The following PCDHB5 variants were observed in gnomAD, a reference collection of about 807,000 sequenced individuals.
PCDHB5 encodes the protein protocadherin beta 5.
For missense variants in PCDHB5, 1,125 were observed against 1,029.4 expected (o/e 1.09, Z -1.27); for synonymous variants, 569 against 462.2 (o/e 1.23, Z -2.96).
chr5:141,137,162 C>T lies in PCDHB5; in HGVS notation c.1728C>T (p.Pro576=). The T allele has an allele frequency of 6.2e-7, 1 of 1,610,714 alleles. No individual in the cohort carries two copies. The highest frequency in any genetic ancestry group is 8.5e-7 in the Non-Finnish European group (1 of 1,179,578). Residue 576 remains proline, a synonymous_variant, in exon 1 of 1, where the codon CCC becomes CCT. Transcript: ENST00000231134. ...CGGCGCCTTGCACCGAGCTGGTGCC[C>T]CGGGCGGCCGAGCCGGGCTACCTGG... is the stretch of plus-strand genomic sequence containing the variant. ...NGSAPCTELV[P]RAAEPGYLVT...
chr5:141,135,632 G>A lies in PCDHB5; in HGVS notation c.198G>A (p.Met66Ile). ...AACTGGCCACTCGGGGCGCGCGAAT[G>A]CATTACAAAGGAAACAAAGAGCTCT... ...VGELATRGAR[M>I]HYKGNKELLQ... Residue 66 changes from methionine to isoleucine, a missense_variant, in exon 1 of 1, where the codon ATG (methionine) becomes ATA (isoleucine). Transcript: ENST00000231134. 1 of 1,614,116 alleles carries A rather than the reference G, an allele frequency of 6.2e-7. No homozygotes were observed. The highest frequency in any genetic ancestry group is 8.5e-7 in the Non-Finnish European group (1 of 1,180,040).
chr5:141,136,078 T>A lies in PCDHB5; in HGVS notation c.644T>A (p.Leu215Gln). 2 of 1,614,186 alleles carry A rather than the reference T, an allele frequency of 1.2e-6. No individual in the cohort carries two copies. ...RPELSLTLTA[L>Q]DGGAPPRSGT... ...GAGCTCAGCTTAACACTCACTGCAC[T>A]GGACGGTGGGGCTCCGCCCAGGTCC... Residue 215 changes from leucine to glutamine, a missense_variant, in exon 1 of 1, where the codon CTG (leucine) becomes CAG (glutamine). By Grantham distance (113) the Leu-to-Gln change is moderately radical. Coordinates refer to ENST00000231134, the MANE Select transcript of PCDHB5 (RefSeq NM_015669.5).
At position 141,135,810 on chromosome 5, in the gene PCDHB5, A is replaced by G. The variant is rs1227480675; in HGVS notation, c.376A>G (p.Ile126Val). The G allele has an allele frequency of 6.2e-7, 1 of 1,614,056 alleles. No individual in the cohort carries two copies. ...FFQTDLQLTD[I>V]NDHAPEFPEK... ...TCAAACTGATCTGCAGCTCACAGAT[A>G]TAAATGACCATGCCCCAGAGTTCCC... The change falls in exon 1 of 1, where the codon ATA (isoleucine) becomes GTA (valine). Residue 126 changes from isoleucine (I) to valine (V), a missense_variant. Physicochemically the swap from Ile to Val is conservative, Grantham distance 29 (BLOSUM62 3). Transcript: ENST00000231134.
chr5:141,137,738 G>T lies in PCDHB5; in HGVS notation c.2304G>T (p.Pro768=), dbSNP rs782332449. 2.5e-6 allele frequency: 4 copies of T among 1,614,248 alleles called. No individual in the cohort carries two copies. Among genetic ancestry groups the T allele is most frequent in the Admixed American group, 3.3e-5 (2 of 60,030 alleles). ...SGAGEFKFLK[P]IIPNLLPQGA... is the part of the protein sequence containing the mutation. Reference sequence around the variant, plus strand: ...CCGGCGAGTTCAAGTTCCTGAAGCCGATTATTCCTAACCTTTTGCCCCAGG... The same window carrying T: ...CCGGCGAGTTCAAGTTCCTGAAGCCTATTATTCCTAACCTTTTGCCCCAGG... Residue 768 remains proline (P), a synonymous_variant, in exon 1 of 1, where the codon CCG becomes CCT. Coordinates refer to ENST00000231134, the MANE Select transcript of PCDHB5 (RefSeq NM_015669.5).
chr5:141,138,079 T>C lies in PCDHB5; in HGVS notation c.*257T>C, dbSNP rs1752639779. Reference sequence around the variant, plus strand: ...AGATTTTTTTCTCTTCTTGTTGGTATTTGTTGTGATAAACCACCTTAATAA... The same window carrying C: ...AGATTTTTTTCTCTTCTTGTTGGTACTTGTTGTGATAAACCACCTTAATAA... On this transcript the variant is annotated 3_prime_UTR_variant, in exon 1 of 1. Transcript: ENST00000231134. The C allele has an allele frequency of 2.3e-6, 1 of 426,542 alleles. No individual in the cohort carries two copies. Among genetic ancestry groups the C allele is most frequent in the South Asian group, 5.9e-5 (1 of 17,054 alleles). The allele number at this position is 426,542 out of a possible 1,614,324, so 26.4% of individuals were successfully genotyped here.
Position 141,137,022 on chromosome 5 carries a change from G to T in PCDHB5, c.1588G>T (p.Val530Leu), listed in dbSNP as rs373293993. Residue 530 changes from valine (V) to leucine (L), a missense_variant, in exon 1 of 1, where the codon GTG becomes TTG. Val to Leu is a conservative substitution (Grantham distance 32). Transcript: ENST00000231134. ...GGCCCTGCAGGCGTTCGAGTTCCGC[G>T]TGGGAGCCACAGACCGCGGCTCCCC... is the stretch of plus-strand genomic sequence containing the variant. ...YEALQAFEFR[V>L]GATDRGSPAL... The T allele has an allele frequency of 6.1e-5, 99 of 1,612,122 alleles. No homozygotes were observed. The African/African-American group carries it at 1.2e-3, about 20-fold the overall frequency.
rs199500587 is a variant in PCDHB5, at chr5:141,137,653, G to C, written c.2219G>C (p.Gly740Ala). 1.2e-5 allele frequency: 20 copies of C among 1,614,124 alleles called. No homozygotes were observed. The highest frequency in any genetic ancestry group is 3.4e-4 in the Middle Eastern group (2 of 5,966). Residue 740 changes from glycine to alanine, a missense_variant, in exon 1 of 1, where the codon GGC becomes GCC. Transcript: ENST00000231134. ...PFPGHLVDVS[G>A]TGTLSQSYHY... is the part of the protein sequence containing the mutation. ...CCAGGGCATCTGGTGGACGTGAGCG[G>C]CACCGGGACCCTATCCCAGAGCTAC... is the stretch of plus-strand genomic sequence containing the variant.
rs1162411739 is a variant in PCDHB5, at chr5:141,136,897, C to G, written c.1463C>G (p.Ser488Trp). ...DSGTNAQVTY[S>W]LLPPQNPHLR... ...GGCACCAACGCCCAGGTCACCTACT[C>G]GCTGCTGCCGCCCCAGAACCCACAC... Residue 488 changes from serine to tryptophan, a missense_variant, in exon 1 of 1, where the codon TCG becomes TGG. By Grantham distance (177) the Ser-to-Trp change is radical. Transcript: ENST00000231134. The G allele has an allele frequency of 3.1e-6, 5 of 1,612,690 alleles. No homozygotes were observed. The highest frequency in any genetic ancestry group is 2.2e-5 in the East Asian group (1 of 44,866).
Position 141,137,224 on chromosome 5 carries a change from A to T in PCDHB5, c.1790A>T (p.Gln597Leu), listed in dbSNP as rs782784619. The change falls in exon 1 of 1, where the codon CAG becomes CTG. Residue 597 changes from glutamine to leucine, a missense_variant. Physicochemically the swap from Gln to Leu is moderately radical, Grantham distance 113. Transcript: ENST00000231134. Reference protein sequence around the residue: ...KVVAVDGDSGQNAWLSYQLLK... With the variant: ...KVVAVDGDSGLNAWLSYQLLK... Reference sequence around the variant, plus strand: ...GTGGCGGTGGACGGTGACTCGGGCCAGAACGCCTGGCTGTCGTACCAGCTG... The same window carrying T: ...GTGGCGGTGGACGGTGACTCGGGCCTGAACGCCTGGCTGTCGTACCAGCTG... 3.8e-5 allele frequency: 62 copies of T among 1,610,976 alleles called. No individual in the cohort carries two copies. In the South Asian group the frequency reaches 6.5e-4, roughly 17 times the overall value.
rs781955574 is a variant in PCDHB5, at chr5:141,136,451, G to A, written c.1017G>A (p.Val339=). The A allele has an allele frequency of 1.7e-5, 27 of 1,613,734 alleles. No homozygotes were observed. The highest frequency in any genetic ancestry group is 2.1e-5 in the Non-Finnish European group (25 of 1,179,958). The part of the protein sequence containing the change: ...KCTVAIEVVD[V]NDNAPELTMS... ...CTGTGGCTATAGAAGTGGTGGATGT[G>A]AATGACAACGCCCCTGAACTCACCA... is the stretch of plus-strand genomic sequence containing the variant. Residue 339 remains valine (V), a synonymous_variant, in exon 1 of 1, where the codon GTG becomes GTA. Coordinates refer to ENST00000231134, the MANE Select transcript of PCDHB5 (RefSeq NM_015669.5).
chr5:141,136,044 G>A lies in PCDHB5; in HGVS notation c.610G>A (p.Glu204Lys). 1 of 1,614,220 alleles carries A rather than the reference G, an allele frequency of 6.2e-7. No homozygotes were observed. Among genetic ancestry groups the A allele is most frequent in the Non-Finnish European group, 8.5e-7 (1 of 1,180,010 alleles). Residue 204 changes from glutamate to lysine, a missense_variant, in exon 1 of 1, where the codon GAG becomes AAG. Glu to Lys is a moderately conservative substitution (Grantham distance 56, BLOSUM62 1). Transcript: ENST00000231134. ...LVLDKALDREERPELSLTLTA... is the reference protein window; with the variant it reads ...LVLDKALDREKRPELSLTLTA... Reference sequence around the variant, plus strand: ...GCTGGACAAAGCGCTGGACCGGGAGGAGCGGCCTGAGCTCAGCTTAACACT... The same window carrying A: ...GCTGGACAAAGCGCTGGACCGGGAGAAGCGGCCTGAGCTCAGCTTAACACT...
In PCDHB5 at chr5:141,136,421, A is replaced by G. The variant is rs1554275902; in HGVS notation, c.987A>G (p.Lys329=). 6 of 1,614,106 alleles carry G rather than the reference A, an allele frequency of 3.7e-6. No individual in the cohort carries two copies. Among genetic ancestry groups the G allele is most frequent in the Non-Finnish European group, 8.5e-7 (1 of 1,180,026 alleles). The change falls in exon 1 of 1, where the codon AAA becomes AAG. Residue 329 remains lysine (K), a synonymous_variant. Coordinates refer to ENST00000231134, the MANE Select transcript of PCDHB5 (RefSeq NM_015669.5). Reference sequence around the variant, plus strand: ...CAGATGGTGGGGGCCTTTCAGGAAAATGCACTGTGGCTATAGAAGTGGTGG... The same window carrying G: ...CAGATGGTGGGGGCCTTTCAGGAAAGTGCACTGTGGCTATAGAAGTGGTGG... The part of the protein sequence containing the change: ...VATDGGGLSG[K]CTVAIEVVDV...
chr5:141,136,927 G>C lies in PCDHB5; in HGVS notation c.1493G>C (p.Arg498Pro), dbSNP rs376267566. The C allele has an allele frequency of 1.4e-4, 233 of 1,612,426 alleles. 1 individual carries two copies. In the African/African-American group the frequency reaches 2.5e-3, roughly 17 times the overall value. The change falls in exon 1 of 1, where the codon CGC becomes CCC. Residue 498 changes from arginine to proline, a missense_variant. Transcript: ENST00000231134. ...SLLPPQNPHL[R>P]LASLVSINAD... ...CTGCCGCCCCAGAACCCACACCTGCGCCTCGCCTCCCTGGTCTCCATCAAC... is the reference window on the plus strand; with the variant it reads ...CTGCCGCCCCAGAACCCACACCTGCCCCTCGCCTCCCTGGTCTCCATCAAC...
At position 141,135,643 on chromosome 5, in the gene PCDHB5, G is replaced by C. The variant is rs782739174; in HGVS notation, c.209G>C (p.Gly70Ala). Residue 70 changes from glycine (G) to alanine (A), a missense_variant, in exon 1 of 1, where the codon GGA (glycine) becomes GCA (alanine). Transcript: ENST00000231134. Reference sequence around the variant, plus strand: ...CGGGGCGCGCGAATGCATTACAAAGGAAACAAAGAGCTCTTGCAGCTTGAT... The same window carrying C: ...CGGGGCGCGCGAATGCATTACAAAGCAAACAAAGAGCTCTTGCAGCTTGAT... ...ATRGARMHYK[G>A]NKELLQLDIK... The C allele has an allele frequency of 5.6e-6, 9 of 1,614,132 alleles. No individual in the cohort carries two copies. The South Asian group carries it at 8.8e-5, about 16-fold the overall frequency.
Position 141,137,946 on chromosome 5 carries a change from T to A in PCDHB5, c.*124T>A, listed in dbSNP as rs541840506. The A allele has an allele frequency of 4.4e-6, 4 of 902,728 alleles. No individual in the cohort carries two copies. The highest frequency in any genetic ancestry group is 6.7e-6 in the Non-Finnish European group (4 of 593,600). The allele number at this position is 902,728 out of a possible 1,614,324, so 55.9% of individuals were successfully genotyped here. A position where few individuals can be genotyped will look rare whatever the true frequency, so the allele number is the denominator to read the frequency against. The stretch of plus-strand genomic sequence containing the variant: ...AGCTTTTATTTCCCTTTTTAATGGA[T>A]TTGTCTGTTGAACTTCATGCTGTCC... On this transcript the variant is annotated 3_prime_UTR_variant, in exon 1 of 1. Transcript: ENST00000231134.
At position 141,136,440 on chromosome 5, in the gene PCDHB5, G is replaced by A. The variant is rs1752577109; in HGVS notation, c.1006G>A (p.Val336Met). 1 of 1,614,186 alleles carries A rather than the reference G, an allele frequency of 6.2e-7. No individual in the cohort carries two copies. Among genetic ancestry groups the A allele is most frequent in the Non-Finnish European group, 8.5e-7 (1 of 1,180,046 alleles). ...LSGKCTVAIE[V>M]VDVNDNAPEL... is the part of the protein sequence containing the mutation. ...AGGAAAATGCACTGTGGCTATAGAA[G>A]TGGTGGATGTGAATGACAACGCCCC... Residue 336 changes from valine to methionine, a missense_variant, in exon 1 of 1, where the codon GTG (valine) becomes ATG (methionine). Val to Met is a conservative substitution (Grantham distance 21, BLOSUM62 1). Transcript: ENST00000231134.
rs782135252 is a variant in PCDHB5, at chr5:141,135,527, T to C, written c.93T>C (p.Val31=). 22 of 1,613,904 alleles carry C rather than the reference T, an allele frequency of 1.4e-5. 1 individual carries two copies. The South Asian group carries it at 2.4e-4, about 18-fold the overall frequency. ...TGTGGGAGGCTGGCTCTGAGGCAGT[T>C]AGGTATTCCATACCAGAAGAAACAG... ...LLLWEAGSEA[V]RYSIPEETES... The change falls in exon 1 of 1, where the codon GTT becomes GTC. Residue 31 remains valine, a synonymous_variant. Coordinates refer to ENST00000231134, the MANE Select transcript of PCDHB5 (RefSeq NM_015669.5).
At position 141,137,376 on chromosome 5, in the gene PCDHB5, G is replaced by T. The variant is rs781854814; in HGVS notation, c.1942G>T (p.Glu648Ter). The change falls in exon 1 of 1, where the codon GAG becomes TAG. Residue 648 changes from glutamate (E) to a stop codon, truncating the protein, a stop_gained. Transcript: ENST00000231134. LOFTEE classifies it low-confidence loss of function (END_TRUNC). Reference protein sequence around the residue: ...RLVVLVKDNGEPPRSATATLH... With the variant: ...RLVVLVKDNG ...GGTGGTGCTGGTCAAGGACAATGGCGAGCCTCCGCGCTCGGCCACCGCCAC... is the reference window on the plus strand; with the variant it reads ...GGTGGTGCTGGTCAAGGACAATGGCTAGCCTCCGCGCTCGGCCACCGCCAC... The T allele has an allele frequency of 1.2e-6, 2 of 1,609,232 alleles. No individual in the cohort carries two copies. Among genetic ancestry groups the T allele is most frequent in the Admixed American group, 3.3e-5 (2 of 59,934 alleles).
chr5:141,137,166 G>A lies in PCDHB5; in HGVS notation c.1732G>A (p.Ala578Thr), dbSNP rs1554276132. 6.2e-7 allele frequency: 1 copy of A among 1,610,748 alleles called. No homozygotes were observed. Among genetic ancestry groups the A allele is most frequent in the Middle Eastern group, 2.2e-4 (1 of 4,532 alleles). ...GCCTTGCACCGAGCTGGTGCCCCGG[G>A]CGGCCGAGCCGGGCTACCTGGTGAC... ...SAPCTELVPR[A>T]AEPGYLVTKV... is the part of the protein sequence containing the mutation. Residue 578 changes from alanine (A) to threonine (T), a missense_variant, in exon 1 of 1, where the codon GCG becomes ACG. Transcript: ENST00000231134.
Sources: allele counts gnomAD v4.1 joint callset, GRCh38; gene constraint gnomAD v4.1.1; transcripts MANE v1.5; gene names NCBI Gene and HGNC (gene_info 2026-07-23, HGNC 2026-07-21).